Variants in F2RL1 observed in about 807,000 individuals in gnomAD.
F2RL1 encodes the protein F2R like trypsin receptor 1, also known as proteinase-activated receptor 2.
A neutral mutation model predicts 21.7 loss-of-function variants in F2RL1; 16 were observed. That is an observed-to-expected ratio of 0.74 (90% CI 0.50 to 1.12). F2RL1 has a LOEUF of 1.12. Among genes scored for constraint, F2RL1 ranks in the 50% most tolerant of loss-of-function variants. F2RL1 has a pLI of 0.00. For missense variants in F2RL1, 432 were observed against 477.8 expected (o/e 0.90, Z 0.89); for synonymous variants, 181 against 186.7 (o/e 0.97, Z 0.25).
chr5:76,833,860 TGAG>T lies in F2RL1; in HGVS notation c.*62_*64del. The T allele has an allele frequency of 6.5e-7, 1 of 1,534,632 alleles. No individual in the cohort carries two copies. The highest frequency in any genetic ancestry group is 1.8e-5 in the Admixed American group (1 of 54,206). ...AGGATGTGGAACCTGTTTAATGTTA[TGAG>T]GACGTGTCTGTTATTTCCTAATCAA... On this transcript the variant is annotated 3_prime_UTR_variant, in exon 2 of 2. Transcript: ENST00000296677.
intron 1 of F2RL1, among the ~76,000 whole-genome samples, chr5:76,821,786 G>A (rs997825238): frequency 6.6e-6 from 1 of 151,816 alleles, no homozygotes; most frequent in Non-Finnish European, 1.5e-5. Flanking sequence ...CACCATATTG[G>A]TCAGGCTGAT....
At chr5:76,825,402 G>C (rs1239981127) in intron 1 of F2RL1, among the ~76,000 whole-genome samples, 1 of 152,152 alleles carries the variant, frequency 6.6e-6, no homozygotes, top group African/African-American at 2.4e-5. Context: ...GACTACGTCA[G>C]GGACATGCTA....
chr5:76,833,135 C>T lies in F2RL1; in HGVS notation c.528C>T (p.Val176=), dbSNP rs756446941. 1.5e-5 allele frequency: 24 copies of T among 1,614,216 alleles called. No individual in the cohort carries two copies. The highest frequency in any genetic ancestry group is 2.0e-5 in the Non-Finnish European group (24 of 1,180,050). ...GCCTCAGTGTGCAGAGGTATTGGGT[C>T]ATCGTGAACCCCATGGGGCACTCCA... ...MTCLSVQRYW[V]IVNPMGHSRK... Residue 176 remains valine (V), a synonymous_variant, in exon 2 of 2, where the codon GTC becomes GTT. Coordinates refer to ENST00000296677, the MANE Select transcript of F2RL1 (RefSeq NM_005242.6).
intron 1 of F2RL1, 145 bp downstream of exon 1, chr5:76,819,409 T>A: frequency 2.8e-6 from 2 of 702,794 alleles, no homozygotes; most frequent in Non-Finnish European, 4.5e-6. Flanking sequence ...CTCCCCTTGG[T>A]GGCTTTGATG....
intron 1 of F2RL1, among the ~76,000 whole-genome samples, chr5:76,827,600 C>CTTTTTTTTTTT (rs70982643): frequency 9.5e-6 from 1 of 104,988 alleles, no homozygotes; most frequent in Non-Finnish European, 1.8e-5. Flanking sequence ...CATATAGTAA[C>CTTTTTTTTTTT]TTTTTTTTTT....
chr5:76,819,823 C>G (rs1246736134), intron 1 of F2RL1, among the ~76,000 whole-genome samples: 1 of 152,112 alleles, frequency 6.6e-6, no homozygotes, highest in Non-Finnish European at 1.5e-5. Context: ...CTGCTGGAAG[C>G]CTTTCTTCGG....
chr5:76,828,929 A>G (rs2243078), intron 1 of F2RL1, among the ~76,000 whole-genome samples: 130 of 152,202 alleles, frequency 8.5e-4, no homozygotes, highest in Non-Finnish European at 1.4e-3. Context: ...CAGCTTGACC[A>G]ACATGGTGAA....
chr5:76,833,643 T>A lies in F2RL1; in HGVS notation c.1036T>A (p.Phe346Ile), dbSNP rs767669676. Residue 346 changes from phenylalanine to isoleucine, a missense_variant, in exon 2 of 2, where the codon TTT becomes ATT. Physicochemically the swap from Phe to Ile is conservative, Grantham distance 21. Coordinates refer to ENST00000296677, the MANE Select transcript of F2RL1 (RefSeq NM_005242.6). ...CTGCATCGACCCCTTTGTCTATTAC[T>A]TTGTTTCACATGATTTCAGGGATCA... ...NSCIDPFVYY[F>I]VSHDFRDHAK... 6.2e-7 allele frequency: 1 copy of A among 1,613,994 alleles called. No individual in the cohort carries two copies. Among genetic ancestry groups the A allele is most frequent in the Non-Finnish European group, 8.5e-7 (1 of 1,180,006 alleles).
chr5:76,824,517 C>T (rs967633273), intron 1 of F2RL1, among the ~76,000 whole-genome samples: 5 of 151,888 alleles, frequency 3.3e-5, no homozygotes, highest in African/African-American at 4.8e-5. Context: ...TTAGTAGAGA[C>T]GGGGTTTCAC....
At position 76,833,587 on chromosome 5, in the gene F2RL1, TTG is replaced by T; in HGVS notation, c.982_983del (p.Val328SerfsTer8). On this transcript the variant is annotated frameshift_variant, in exon 2 of 2. Transcript: ENST00000296677. LOFTEE classifies it high-confidence loss of function. ...CAGAGCCATGTCTATGCCCTGTACA[TTG>T]TAGCCCTCTGCCTCTCTACCCTTAA... The T allele has an allele frequency of 9.9e-6, 16 of 1,613,904 alleles. No homozygotes were observed. Among genetic ancestry groups the T allele is most frequent in the Non-Finnish European group, 1.4e-5 (16 of 1,179,984 alleles).
chr5:76,832,954 A>G lies in F2RL1; in HGVS notation c.347A>G (p.Asn116Ser), dbSNP rs770983560. 2.5e-5 allele frequency: 40 copies of G among 1,614,112 alleles called. No homozygotes were observed. In the Middle Eastern group the frequency reaches 6.6e-4, roughly 27 times the overall value. The stretch of plus-strand genomic sequence containing the variant: ...CACCCTGCTGTGATTTACATGGCCA[A>G]TCTGGCCTTGGCTGACCTCCTCTCT... Reference protein sequence around the residue: ...KKHPAVIYMANLALADLLSVI... With the variant: ...KKHPAVIYMASLALADLLSVI... The change falls in exon 2 of 2, where the codon AAT (asparagine) becomes AGT (serine). Residue 116 changes from asparagine (N) to serine (S), a missense_variant. Transcript: ENST00000296677.
intron 1 of F2RL1, among the ~76,000 whole-genome samples, chr5:76,820,483 CTG>C (rs1057206340): frequency 1.5e-4 from 23 of 152,268 alleles, no homozygotes; most frequent in East Asian, 1.2e-3. Flanking sequence ...AGCTTGAAAA[CTG>C]TGCACCGCTG....
At chr5:76,826,915 G>A (rs1324510059) in intron 1 of F2RL1, among the ~76,000 whole-genome samples, 2 of 151,672 alleles carry the variant, frequency 1.3e-5, no homozygotes, top group East Asian at 3.9e-4. Context: ...GCCCAGGCTG[G>A]AGTGCAGTGG....
Position 76,833,213 on chromosome 5 carries a change from T to G in F2RL1, c.606T>G (p.Ile202Met), listed in dbSNP as rs1304601334. Reference protein sequence around the residue: ...IGISLAIWLLILLVTIPLYVV... With the variant: ...IGISLAIWLLMLLVTIPLYVV... ...TCTCCCTGGCAATATGGCTGCTGAT[T>G]CTGCTGGTCACCATTCCTTTGTATG... The change falls in exon 2 of 2, where the codon ATT becomes ATG. Residue 202 changes from isoleucine (I) to methionine (M), a missense_variant. Transcript: ENST00000296677. 7 of 1,613,986 alleles carry G rather than the reference T, an allele frequency of 4.3e-6. No homozygotes were observed. Among genetic ancestry groups the G allele is most frequent in the Non-Finnish European group, 5.9e-6 (7 of 1,179,954 alleles).
intron 1 of F2RL1, among the ~76,000 whole-genome samples, chr5:76,824,848 A>G (rs1750209947): frequency 6.6e-6 from 1 of 152,166 alleles, no homozygotes. Context: ...ATCAATTTAT[A>G]TTCCTTTGAG....
chr5:76,832,936 C>A lies in F2RL1; in HGVS notation c.329C>A (p.Ala110Asp), dbSNP rs752022339. The A allele has an allele frequency of 6.2e-7, 1 of 1,614,224 alleles. No individual in the cohort carries two copies. Among genetic ancestry groups the A allele is most frequent in the East Asian group, 2.2e-5 (1 of 44,882 alleles). Residue 110 changes from alanine (A) to aspartate (D), a missense_variant, in exon 2 of 2, where the codon GCT (alanine) becomes GAT (aspartate). Coordinates refer to ENST00000296677, the MANE Select transcript of F2RL1 (RefSeq NM_005242.6). The part of the protein sequence containing the change: ...FLFRTKKKHP[A>D]VIYMANLALA... ...TTCCGAACTAAGAAGAAGCACCCTG[C>A]TGTGATTTACATGGCCAATCTGGCC...
intron 1 of F2RL1, among the ~76,000 whole-genome samples, chr5:76,822,683 A>G (rs1750159998): frequency 6.6e-6 from 1 of 152,200 alleles, no homozygotes; most frequent in Admixed American, 6.5e-5. Flanking sequence ...TGTTGAAGAA[A>G]ACAGTTCATT....
intron 1 of F2RL1, among the ~76,000 whole-genome samples, chr5:76,828,355 A>G (rs1051356122): frequency 6.6e-6 from 1 of 152,188 alleles, no homozygotes; most frequent in Non-Finnish European, 1.5e-5. Flanking sequence ...ATTTCATCCT[A>G]AAGTATTTTA....
intron 1 of F2RL1, among the ~76,000 whole-genome samples, chr5:76,824,556 C>T (rs2243029): frequency 0.57 from 86,340 of 151,448 alleles, 25,286 homozygotes; most frequent in South Asian, 0.72. Flanking sequence ...CTCAAACTCC[C>T]GATCTCATGA....
Sources: gnomAD v4.1 joint callset for allele counts (sites outside exome capture counted in the v4.1 genomes callset) on GRCh38, gnomAD v4.1.1 for gene constraint, MANE v1.5 for transcripts, NCBI Gene and HGNC (gene_info 2026-07-23, HGNC 2026-07-21) for gene names.